The following HECW2 variants were observed in gnomAD, a reference collection of about 807,000 sequenced individuals.
HECW2 encodes the protein E3 ubiquitin-protein ligase HECW2.
A neutral mutation model predicts 175.2 loss-of-function variants in HECW2; 61 were observed. The observed-to-expected ratio is 0.35, with a 90% confidence interval of 0.28 to 0.43. HECW2 has a LOEUF of 0.43. HECW2 is among the 20% of genes least tolerant of loss of function. The pLI is 1.00. For missense variants in HECW2, 1,524 were observed against 2,000.5 expected (o/e 0.76, Z 4.54); for synonymous variants, 671 against 731.0 (o/e 0.92, Z 1.32).
At chr2:196,397,756 G>C (rs1694710258) in intron 2 of HECW2, among the ~76,000 whole-genome samples, 1 of 152,120 alleles carries the variant, frequency 6.6e-6, no homozygotes, top group South Asian at 2.1e-4. Flanking sequence ...CTTTAGGTTG[G>C]GATTTCCACC....
chr2:196,318,084 A>G (rs1575406642), intron 9 of HECW2, among the ~76,000 whole-genome samples: 2 of 152,226 alleles, frequency 1.3e-5, no homozygotes, highest in East Asian at 3.8e-4. Flanking sequence ...ACCTTTGCAG[A>G]TTACACTAAG....
At chr2:196,296,400 G>A (rs1488697783) in intron 13 of HECW2, among the ~76,000 whole-genome samples, 3 of 152,122 alleles carry the variant, frequency 2.0e-5, no homozygotes, top group African/African-American at 7.2e-5. Context: ...ATTTGAAAAG[G>A]TCAAAATCAC....
At chr2:196,531,270 T>TA (rs1214587239) in intron 1 of HECW2, among the ~76,000 whole-genome samples, 1 of 152,168 alleles carries the variant, frequency 6.6e-6, no homozygotes, top group African/African-American at 2.4e-5. Flanking sequence ...GGAGGGGAAA[T>TA]AAACTTCTGT....
At chr2:196,307,822 T>G in intron 11 of HECW2, 113 bp downstream of exon 11, 1 of 1,043,486 alleles carries the variant, frequency 9.6e-7, no homozygotes, top group East Asian at 2.6e-5. Flanking sequence ...CAGCTACACT[T>G]TAACGACAGG....
intron 1 of HECW2, among the ~76,000 whole-genome samples, chr2:196,541,862 T>C (rs1383845274): frequency 1.3e-5 from 2 of 152,042 alleles, no homozygotes; most frequent in African/African-American, 2.4e-5. Context: ...TTCAATAGTA[T>C]GCAAGAACTA....
In HECW2 at chr2:196,531,671, A is replaced by G. The variant is rs1181691201; in HGVS notation, c.-36+61837T>C. Among the ~76,000 whole-genome samples, 4 of 136,710 alleles carry G rather than the reference A, an allele frequency of 2.9e-5. No individual in the cohort carries two copies. In the East Asian group the frequency reaches 5.8e-4, roughly 20 times the overall value. The allele number at this position is 136,710 out of a possible 152,430, so 89.7% of individuals were successfully genotyped here. On this transcript the variant is annotated intron_variant, in intron 1 of 28. Transcript: ENST00000644978. ...TGTGAGACTCTGTCTCAAAAAAAAA[A>G]CAAAAAAAAAAGTTTTCAGGATGAG...
chr2:196,545,242 T>C (rs1275603134), intron 1 of HECW2, among the ~76,000 whole-genome samples: 3 of 152,138 alleles, frequency 2.0e-5, no homozygotes. Flanking sequence ...TGAGAACTTA[T>C]AATTTAGATG....
At chr2:196,523,409 T>C (rs1277192238) in intron 1 of HECW2, among the ~76,000 whole-genome samples, 15 of 152,062 alleles carry the variant, frequency 9.9e-5, no homozygotes, top group Admixed American at 9.8e-4. Flanking sequence ...TATACAATCA[T>C]GCCGTCTGCA....
At chr2:196,277,409 AC>A (rs1689998834) in intron 15 of HECW2, among the ~76,000 whole-genome samples, 1 of 152,196 alleles carries the variant, frequency 6.6e-6, no homozygotes, top group Admixed American at 6.5e-5. Context: ...AATATAGAAA[AC>A]TTCACTTAAG....
At chr2:196,352,115 C>A (rs1255534410) in intron 2 of HECW2, among the ~76,000 whole-genome samples, 1 of 152,184 alleles carries the variant, frequency 6.6e-6, no homozygotes, top group Non-Finnish European at 1.5e-5. Flanking sequence ...TATGAATTTG[C>A]AAACTTAGCA....
intron 25 of HECW2, 53 bp downstream of exon 25, chr2:196,220,742 G>A (rs1687635529): frequency 7.1e-6 from 11 of 1,559,556 alleles, no homozygotes; most frequent in East Asian, 6.7e-5. Context: ...AAGATGGACT[G>A]TGGCATCATT....
At chr2:196,569,531 T>C (rs1172597879) in intron 1 of HECW2, among the ~76,000 whole-genome samples, 1 of 152,196 alleles carries the variant, frequency 6.6e-6, no homozygotes, top group Non-Finnish European at 1.5e-5. Context: ...GAAACCTTAA[T>C]TTTGTCATAT....
intron 13 of HECW2, among the ~76,000 whole-genome samples, chr2:196,298,918 C>A (rs554086402): frequency 1.2e-3 from 190 of 152,164 alleles, no homozygotes; most frequent in African/African-American, 4.0e-3. Context: ...TCTTAAAATA[C>A]AGAAATCAAA....
rs72931221 is a variant in HECW2, at chr2:196,401,053, A to G, written c.292+32079T>C. 3.7e-3 allele frequency among the ~76,000 whole-genome samples: 569 copies of G among 152,336 alleles called. 2 individuals are homozygous for G. The highest frequency in any genetic ancestry group is 5.2e-3 in the Non-Finnish European group (351 of 68,022). On this transcript the variant is annotated intron_variant, in intron 2 of 28. Transcript: ENST00000644978. ...AAACTGAAACAACATTTCTGTAGGGATATTTATCAGTATGTCTCAAATTAA... is the reference window on the plus strand; with the variant it reads ...AAACTGAAACAACATTTCTGTAGGGGTATTTATCAGTATGTCTCAAATTAA...
intron 1 of HECW2, among the ~76,000 whole-genome samples, chr2:196,568,866 C>A (rs1365950229): frequency 6.6e-6 from 1 of 152,168 alleles, no homozygotes; most frequent in East Asian, 1.9e-4. Context: ...AAATTGATAA[C>A]CTGGTCGCTG....
intron 18 of HECW2, among the ~76,000 whole-genome samples, chr2:196,255,274 G>A (rs1689015576): frequency 6.6e-6 from 1 of 150,766 alleles, no homozygotes; most frequent in Admixed American, 6.6e-5. Flanking sequence ...TTACAGGCGT[G>A]AGCCACTGCG....
At position 196,257,823 on chromosome 2, in the gene HECW2, C is replaced by T; in HGVS notation, c.3419G>A (p.Ser1140Asn). 1 of 1,609,526 alleles carries T rather than the reference C, an allele frequency of 6.2e-7. No homozygotes were observed. Among genetic ancestry groups the T allele is most frequent in the Non-Finnish European group, 8.5e-7 (1 of 1,175,902 alleles). Residue 1140 changes from serine (S) to asparagine (N), a missense_variant and splice_region_variant, in exon 18 of 29, where the codon AGC becomes AAC. Coordinates refer to ENST00000644978, the MANE Select transcript of HECW2 (RefSeq NM_001348768.2). ...SSDADLVMLL[S>N]LFEEEIMSYV... Reference sequence around the variant, plus strand: ...TCAAGAGTGAGTGTTACGTATGTACCTCAGCAACATAACAAGGTCTGCATC... The same window carrying T: ...TCAAGAGTGAGTGTTACGTATGTACTTCAGCAACATAACAAGGTCTGCATC...
intron 1 of HECW2, among the ~76,000 whole-genome samples, chr2:196,457,313 A>T (rs1233259479): frequency 2.0e-5 from 3 of 152,194 alleles, no homozygotes; most frequent in Non-Finnish European, 4.4e-5. Context: ...AATAATACAA[A>T]CTGACTTTCT....
chr2:196,294,912 T>C (rs1321630771), intron 13 of HECW2, among the ~76,000 whole-genome samples: 2 of 152,200 alleles, frequency 1.3e-5, no homozygotes, highest in Non-Finnish European at 2.9e-5. Context: ...CTGAGATTTG[T>C]TGGTCATTAT....
Sources: gnomAD v4.1 joint callset for allele counts (sites outside exome capture counted in the v4.1 genomes callset) on GRCh38, gnomAD v4.1.1 for gene constraint, MANE v1.5 for transcripts, NCBI Gene and HGNC (gene_info 2026-07-23, HGNC 2026-07-21) for gene names.